SCN3A: variants seen among roughly 807,000 people sequenced by gnomAD.
SCN3A encodes sodium channel protein type 3 subunit alpha.
Under a neutral mutation model 187.6 loss-of-function variants are expected in SCN3A, and 60 were observed. The observed-to-expected ratio is 0.32, with a 90% CI of 0.26 to 0.40. The LOEUF is 0.40. Among genes scored for constraint, SCN3A ranks in the 10% least tolerant of loss-of-function variants. The pLI is 1.00. For missense variants in SCN3A, 1,601 were observed against 2,428.2 expected (o/e 0.66, Z 7.16); for synonymous variants, 788 against 829.2 (o/e 0.95, Z 0.85).
At chr2:165,180,168 G>A (rs572826402) in intron 2 of SCN3A, among the ~76,000 whole-genome samples, 47 of 152,220 alleles carry the variant, frequency 3.1e-4, no homozygotes, top group African/African-American at 1.1e-3. Flanking sequence ...TTATGGTTCA[G>A]TATATCATAT....
intron 18 of SCN3A, among the ~76,000 whole-genome samples, chr2:165,124,246 A>T (rs1402278375): frequency 2.0e-5 from 3 of 152,082 alleles, no homozygotes; most frequent in African/African-American, 7.2e-5. Flanking sequence ...GTTACTCTAA[A>T]TTTATTATGT....
chr2:165,112,208 C>A (rs558661187), intron 21 of SCN3A, among the ~76,000 whole-genome samples: 1 of 152,254 alleles, frequency 6.6e-6, no homozygotes, highest in South Asian at 2.1e-4. Context: ...CCGTCACTTG[C>A]AATAAAAAAA....
chr2:165,193,842 G>T (rs1456677188), intron 1 of SCN3A, among the ~76,000 whole-genome samples: 1 of 152,132 alleles, frequency 6.6e-6, no homozygotes, highest in Non-Finnish European at 1.5e-5. Flanking sequence ...GAGCAAAGAG[G>T]TTTTAATCAC....
chr2:165,180,509 C>A (rs1386009380), intron 2 of SCN3A, among the ~76,000 whole-genome samples: 2 of 151,034 alleles, frequency 1.3e-5, no homozygotes, highest in Non-Finnish European at 2.9e-5. Flanking sequence ...TGATTGGGGT[C>A]TTATGGTGGT....
intron 18 of SCN3A, 115 bp downstream of exon 18, chr2:165,127,516 A>G (rs1687064768): frequency 2.4e-6 from 2 of 819,764 alleles, no homozygotes; most frequent in Admixed American, 4.1e-5. Context: ...CACTATAGAC[A>G]TATGACTTTC....
At position 165,140,140 on chromosome 2, in the gene SCN3A, CTA is replaced by C. The variant is rs1246597131; in HGVS notation, c.2019+509_2019+510del. Among the ~76,000 whole-genome samples the C allele has an allele frequency of 6.6e-6, 1 of 152,046 alleles. No homozygotes were observed. The highest frequency in any genetic ancestry group is 1.9e-4 in the East Asian group (1 of 5,186). ...TTTCCTGAAATTTCTTTAATTATTTCTATATCTTATCCTATTAAAAAACAACA... is the reference window on the plus strand; with the variant it reads ...TTTCCTGAAATTTCTTTAATTATTTCTATCTTATCCTATTAAAAAACAACA... On this transcript the variant is annotated intron_variant, in intron 13 of 27. Transcript: ENST00000283254. The surrounding 1 kb of genome is among the most constrained non-coding windows in gnomAD (Gnocchi z 4.2).
chr2:165,176,524 T>C, intron 2 of SCN3A, 80 bp from the exon 3 acceptor site: 1 of 1,096,700 alleles, frequency 9.1e-7, no homozygotes, highest in Non-Finnish European at 1.4e-6. Flanking sequence ...TGTCATTTTT[T>C]AGTAACTTTT....
chr2:165,093,069 A>C (rs1685192527), intron 26 of SCN3A: 1 of 152,646 alleles, frequency 6.6e-6, no homozygotes, highest in South Asian at 2.1e-4. Context: ...AAACAAAAAC[A>C]AACACATAAA....
intron 18 of SCN3A, among the ~76,000 whole-genome samples, chr2:165,125,438 G>T (rs1686930255): frequency 6.6e-6 from 1 of 151,886 alleles, no homozygotes; most frequent in Non-Finnish European, 1.5e-5. Flanking sequence ...CGAGTAGCTG[G>T]GACTACAGGT....
chr2:165,102,448 C>T, intron 21 of SCN3A, among the ~76,000 whole-genome samples: 1 of 152,002 alleles, frequency 6.6e-6, no homozygotes, highest in Non-Finnish European at 1.5e-5. Context: ...CCCAGGAGTT[C>T]CAGGTTACAG....
rs1359054052 is a variant in SCN3A, at chr2:165,116,351, C to A, written c.3394-776G>T. The stretch of plus-strand genomic sequence containing the variant: ...CTGTGAATACTTCCTTTAACTAAAT[C>A]ATTGTGACATGCCACATGGCTAGAA... On this transcript the variant is annotated intron_variant, in intron 18 of 27. Transcript: ENST00000283254. Among the ~76,000 whole-genome samples, 2 of 152,152 alleles carry A rather than the reference C, an allele frequency of 1.3e-5. 1 individual carries two copies.
intron 1 of SCN3A, among the ~76,000 whole-genome samples, chr2:165,198,595 A>T (rs1692122568): frequency 1.3e-5 from 2 of 152,036 alleles, no homozygotes; most frequent in Non-Finnish European, 2.9e-5. Context: ...AAGTCATTTG[A>T]TGTAACAGTC....
chr2:165,153,617 A>G (rs1487829442), intron 11 of SCN3A, among the ~76,000 whole-genome samples: 1 of 152,160 alleles, frequency 6.6e-6, no homozygotes. Flanking sequence ...ATGGAAAATA[A>G]GAACAGAAAA....
chr2:165,177,558 C>A (rs1004946776), intron 2 of SCN3A, among the ~76,000 whole-genome samples: 6 of 152,150 alleles, frequency 3.9e-5, no homozygotes, highest in African/African-American at 9.7e-5. Flanking sequence ...TCAAACCACT[C>A]TTTAAACAAG....
At chr2:165,184,962 G>A (rs774479920) in intron 2 of SCN3A, among the ~76,000 whole-genome samples, 5 of 150,956 alleles carry the variant, frequency 3.3e-5, no homozygotes, top group Non-Finnish European at 5.9e-5. Flanking sequence ...TTATTGTTCC[G>A]TTTCTATTAG....
chr2:165,155,677 G>T, intron 10 of SCN3A, 85 bp downstream of exon 10: 1 of 1,507,706 alleles, frequency 6.6e-7, no homozygotes, highest in Non-Finnish European at 9.2e-7. Flanking sequence ...AGGGTTACAG[G>T]CATGAGCCAC....
At chr2:165,117,252 C>T (rs566755044) in intron 18 of SCN3A, among the ~76,000 whole-genome samples, 37 of 152,036 alleles carry the variant, frequency 2.4e-4, no homozygotes, top group African/African-American at 7.2e-4. Context: ...TAAGTAATAA[C>T]AATAAGAAAC....
At chr2:165,095,769 G>A in intron 24 of SCN3A, 121 bp from the exon 25 acceptor site, 1 of 562,270 alleles carries the variant, frequency 1.8e-6, no homozygotes, top group Non-Finnish European at 3.1e-6. Context: ...CTGAGATATT[G>A]TTCTACAAAA....
At chr2:165,102,318 C>T (rs1574110205) in intron 21 of SCN3A, among the ~76,000 whole-genome samples, 1 of 152,140 alleles carries the variant, frequency 6.6e-6, no homozygotes, top group East Asian at 1.9e-4. Flanking sequence ...CAAGACCAGC[C>T]TGCGCAATAG....
Sources: gnomAD v4.1 joint callset for allele counts (sites outside exome capture counted in the v4.1 genomes callset) on GRCh38, gnomAD v4.1.1 for gene constraint, Gnocchi (gnomAD v3.1) non-coding constraint, MANE v1.5 for transcripts, NCBI Gene and HGNC (gene_info 2026-07-23, HGNC 2026-07-21) for gene names.